LINGO2: variants seen among roughly 807,000 people sequenced by gnomAD.
LINGO2 encodes leucine rich repeat and Ig domain containing 2, also known as leucine-rich repeat and immunoglobulin-like domain-containing nogo receptor-interacting protein 2.
A neutral mutation model predicts 30.6 loss-of-function variants in LINGO2; 14 were observed. That is an observed-to-expected ratio of 0.46 (90% CI 0.30 to 0.72). LINGO2 has a LOEUF of 0.72. LINGO2 is among the 30% of genes least tolerant of loss of function. The pLI, the probability that LINGO2 is intolerant of heterozygous loss-of-function variation, is 0.07. For synonymous variants in LINGO2, 317 were observed against 288.5 expected (o/e 1.10, Z -1.00); for missense variants, 729 against 751.7 (o/e 0.97, Z 0.35).
At chr9:28,771,533 G>A in the LINGO2 span, among the ~76,000 whole-genome samples, 1 of 149,464 alleles carries the variant, frequency 6.7e-6, no homozygotes. Flanking sequence ...TTCAGAGAAG[G>A]TAGTATAAGG....
the LINGO2 span, among the ~76,000 whole-genome samples, chr9:28,779,159 C>T: frequency 6.6e-6 from 1 of 152,174 alleles, no homozygotes; most frequent in Non-Finnish European, 1.5e-5. Context: ...GAATTTCTAG[C>T]TGCCTTTCAA....
At chr9:28,314,206 T>A (rs1824748382) in intron 3 of LINGO2, among the ~76,000 whole-genome samples, 1 of 152,098 alleles carries the variant, frequency 6.6e-6, no homozygotes, top group Non-Finnish European at 1.5e-5. Flanking sequence ...AGTTCTGGGA[T>A]TACAGGCGTG....
At chr9:28,486,399 T>C (rs1826164645) in intron 1 of LINGO2, among the ~76,000 whole-genome samples, 1 of 152,124 alleles carries the variant, frequency 6.6e-6, no homozygotes, top group Non-Finnish European at 1.5e-5. Context: ...TACTAAGTAA[T>C]TGAAGTCTGA....
At position 28,433,923 on chromosome 9, in the gene LINGO2, T is replaced by TCTCTCTCTCTCTCTCTCTCTCTCTCTCTC. The variant is rs1564196132; in HGVS notation, c.-279+42016_-279+42017insGAGAGAGAGAGAGAGAGAGAGAGAGAGAG. Among the ~76,000 whole-genome samples, 15 of 110,000 alleles carry TCTCTCTCTCTCTCTCTCTCTCTCTCTCTC rather than the reference T, an allele frequency of 1.4e-4. 4 individuals carry two copies. The highest frequency in any genetic ancestry group is 2.2e-4 in the Non-Finnish European group (11 of 50,004). The allele number at this position is 110,000 out of a possible 152,430, so 72.2% of individuals were successfully genotyped here. A position where few individuals can be genotyped will look rare whatever the true frequency, so the allele number is the denominator to read the frequency against. ...TGGATAAAGAAAATGTGCTCTCTCT[T>TCTCTCTCTCTCTCTCTCTCTCTCTCTCTC]TCTCTCTCTCTCTCTCTCTCTCTCT... is the stretch of plus-strand genomic sequence containing the variant. On this transcript the variant is annotated intron_variant, in intron 2 of 5. Transcript: ENST00000379992.
At chr9:29,057,668 A>T in the LINGO2 span, among the ~76,000 whole-genome samples, 4 of 152,094 alleles carry the variant, frequency 2.6e-5, no homozygotes, top group Admixed American at 6.6e-5. Context: ...AGCTCAAAAA[A>T]ACTACATAGA....
At chr9:28,606,321 A>G (rs575954463) in intron 1 of LINGO2, among the ~76,000 whole-genome samples, 2 of 152,166 alleles carry the variant, frequency 1.3e-5, no homozygotes, top group South Asian at 2.1e-4. Flanking sequence ...ATAAAGAAAT[A>G]AAAGATGTCT....
chr9:29,169,287 G>C, the LINGO2 span, among the ~76,000 whole-genome samples: 1 of 152,258 alleles, frequency 6.6e-6, no homozygotes, highest in Admixed American at 6.5e-5. Context: ...AGTGTTGGAA[G>C]AAATGTTAGA....
chr9:27,985,737 T>G (rs1314569006), intron 5 of LINGO2, among the ~76,000 whole-genome samples: 6 of 151,636 alleles, frequency 4.0e-5, no homozygotes, highest in Non-Finnish European at 7.4e-5. Flanking sequence ...ACAAGCAAAA[T>G]CCCCTTGAAA....
At chr9:28,668,336 A>G (rs1435434946) in intron 1 of LINGO2, among the ~76,000 whole-genome samples, 3 of 152,100 alleles carry the variant, frequency 2.0e-5, no homozygotes, top group African/African-American at 7.2e-5. Context: ...GAACTTCATA[A>G]TTAGAACAAG....
At chr9:28,399,801 T>G (rs1822187253) in intron 2 of LINGO2, among the ~76,000 whole-genome samples, 1 of 152,292 alleles carries the variant, frequency 6.6e-6, no homozygotes, top group South Asian at 2.1e-4. Context: ...TACAGATGTT[T>G]AATGTTCATT....
At chr9:29,067,755 G>GA in the LINGO2 span, among the ~76,000 whole-genome samples, 1,050 of 124,492 alleles carry the variant, frequency 8.4e-3, 9 homozygotes, top group African/African-American at 0.012. Flanking sequence ...GTATTTAAAT[G>GA]AAAAAAAAAA....
chr9:28,095,442 G>A (rs930071465), intron 4 of LINGO2, among the ~76,000 whole-genome samples: 4 of 151,918 alleles, frequency 2.6e-5, no homozygotes, highest in Admixed American at 6.6e-5. Context: ...CAAACCTGAG[G>A]AAAACAAGCA....
chr9:28,773,672 C>T, the LINGO2 span, among the ~76,000 whole-genome samples: 1 of 152,012 alleles, frequency 6.6e-6, no homozygotes. Context: ...CACTGTTTGA[C>T]CAAATAGTAA....
At chr9:28,256,023 C>A (rs115482834) in intron 4 of LINGO2, among the ~76,000 whole-genome samples, 3,117 of 152,038 alleles carry the variant, frequency 0.021, 107 homozygotes, top group African/African-American at 0.072. Context: ...CAAATATACA[C>A]AGATATATTT....
chr9:28,523,391 G>T (rs977202031), intron 1 of LINGO2, among the ~76,000 whole-genome samples: 7 of 152,078 alleles, frequency 4.6e-5, no homozygotes, highest in African/African-American at 1.2e-4. Flanking sequence ...AATATGACCA[G>T]AGATAAGACA....
intron 2 of LINGO2, among the ~76,000 whole-genome samples, chr9:28,412,356 T>A (rs960562999): frequency 6.6e-6 from 1 of 152,098 alleles, no homozygotes; most frequent in East Asian, 1.9e-4. Context: ...TTTTAAAATA[T>A]CTATTCAAAT....
chr9:28,627,916 G>C (rs947596326), intron 1 of LINGO2, among the ~76,000 whole-genome samples: 1 of 152,124 alleles, frequency 6.6e-6, no homozygotes, highest in East Asian at 1.9e-4. Flanking sequence ...TGACCTTGGA[G>C]AGCTATATTT....
chr9:28,378,760 T>G (rs759829724), intron 2 of LINGO2, among the ~76,000 whole-genome samples: 1 of 152,168 alleles, frequency 6.6e-6, no homozygotes. Context: ...TTGTGGAAGA[T>G]ACAATGATGT....
intron 3 of LINGO2, among the ~76,000 whole-genome samples, chr9:28,362,511 C>A (rs1820490426): frequency 1.3e-5 from 2 of 151,032 alleles, no homozygotes; most frequent in Non-Finnish European, 2.9e-5. Context: ...ACTCTTTTTG[C>A]CCAGGCTGGA....
Sources: gnomAD v4.1 joint callset for allele counts (sites outside exome capture counted in the v4.1 genomes callset) on GRCh38, gnomAD v4.1.1 for gene constraint, MANE v1.5 for transcripts, NCBI Gene and HGNC (gene_info 2026-07-23, HGNC 2026-07-21) for gene names.